Variants in CNNM2 observed in about 807,000 individuals in gnomAD.
CNNM2 encodes cyclin and CBS domain divalent metal cation transport mediator 2.
Under a neutral mutation model 66.9 loss-of-function variants are expected in CNNM2, and 12 were observed. That is an observed-to-expected ratio of 0.18 (90% confidence interval 0.11 to 0.29). CNNM2 has a LOEUF of 0.29. Ranked by LOEUF, CNNM2 falls within the 10% of genes least tolerant of loss-of-function variation. The pLI, the probability that CNNM2 is intolerant of heterozygous loss-of-function variation, is 1.00. For synonymous variants in CNNM2, 557 were observed against 501.8 expected (o/e 1.11, Z -1.47); for missense variants, 705 against 1,167.7 (o/e 0.60, Z 5.77).
At chr10:103,020,591 A>T (rs2134284913) in intron 1 of CNNM2, among the ~76,000 whole-genome samples, 1 of 152,302 alleles carries the variant, frequency 6.6e-6, no homozygotes, top group Admixed American at 6.5e-5. Flanking sequence ...CCCTAGTAGA[A>T]CTTTCTTTCT....
intron 5 of CNNM2, 86 bp from the exon 6 acceptor site, chr10:103,071,687 AC>A (rs1449396258): frequency 2.0e-6 from 2 of 1,016,398 alleles, no homozygotes; most frequent in Non-Finnish European, 3.2e-6. Flanking sequence ...TATTGATAGA[AC>A]AAGTATCCCC....
intron 1 of CNNM2, among the ~76,000 whole-genome samples, chr10:102,953,670 C>T (rs1846923954): frequency 6.6e-6 from 1 of 152,064 alleles, no homozygotes; most frequent in Non-Finnish European, 1.5e-5. Context: ...AGCGATCCTC[C>T]CACCTCAGCC....
chr10:103,073,428 G>A lies in CNNM2; in HGVS notation c.2233+1589G>A, dbSNP rs148105503. On this transcript the variant is annotated intron_variant, in intron 6 of 7. Transcript: ENST00000369878. ...TCTAGAAATGGTGATGAGATTGGTG[G>A]CCAAAGCGCAGGGATACAGTAAGAT... Among the ~76,000 whole-genome samples the A allele has an allele frequency of 7.6e-4, 116 of 152,332 alleles. 1 individual carries two copies. The highest frequency in any genetic ancestry group is 2.6e-3 in the African/African-American group (110 of 41,564).
chr10:103,070,141 C>T lies in CNNM2; in HGVS notation c.2167+1419C>T, dbSNP rs7910900. Among the ~76,000 whole-genome samples, 46,268 of 151,998 alleles carry T rather than the reference C, an allele frequency of 0.3. 7,181 individuals are homozygous for T. The highest frequency in any genetic ancestry group is 0.36 in the Middle Eastern group (105 of 292). ...CCCACTGTCAACTGCTGACCAACAC[C>T]CAACACCCACTGTGAACATGGGCCT... On this transcript the variant is annotated intron_variant, in intron 5 of 7. Transcript: ENST00000369878.
chr10:102,974,327 A>G (rs2134220488), intron 1 of CNNM2, among the ~76,000 whole-genome samples: 1 of 152,324 alleles, frequency 6.6e-6, no homozygotes, highest in African/African-American at 2.4e-5. Flanking sequence ...TCAAACTAAG[A>G]TGATGAACTA....
intron 6 of CNNM2, among the ~76,000 whole-genome samples, chr10:103,075,179 AC>A (rs2065668559): frequency 6.6e-6 from 1 of 152,242 alleles, no homozygotes; most frequent in Non-Finnish European, 1.5e-5. Flanking sequence ...TGTCAGGGAC[AC>A]ATTGCAAAGA....
rs927793415 is a variant in CNNM2 at position 103,085,422 on chromosome 10, A to G, written c.*8242A>G. ...GTTTGCTTGGCAAATCTTCTTTCCA[A>G]GTATCTCAAGAACTTGTGAGACGTG... On this transcript the variant is annotated 3_prime_UTR_variant, in exon 8 of 8. Coordinates refer to ENST00000369878, the MANE Select transcript of CNNM2 (RefSeq NM_017649.5). 6.6e-6 allele frequency: 1 copy of G among 152,200 alleles called. No individual in the cohort carries two copies. Among genetic ancestry groups the G allele is most frequent in the Non-Finnish European group, 1.5e-5 (1 of 68,030 alleles). 9.4% of individuals were successfully genotyped at this position (152,200 alleles called of 1,614,324 possible). A position where few individuals can be genotyped will look rare whatever the true frequency, so the allele number is the denominator to read the frequency against.
At chr10:102,966,994 T>C (rs1479252649) in intron 1 of CNNM2, among the ~76,000 whole-genome samples, 1 of 152,202 alleles carries the variant, frequency 6.6e-6, no homozygotes, top group African/African-American at 2.4e-5. Flanking sequence ...TCCATGGGGC[T>C]ACCTGGGGTC....
chr10:103,049,517 C>CT, intron 1 of CNNM2, among the ~76,000 whole-genome samples, 190 bp from the exon 2 acceptor site: 1 of 152,322 alleles, frequency 6.6e-6, no homozygotes, highest in Non-Finnish European at 1.5e-5. Context: ...TCTGGCGTAA[C>CT]TTTCTGCCTT....
At chr10:103,072,361 C>A (rs1052670326) in intron 6 of CNNM2, among the ~76,000 whole-genome samples, 2 of 152,256 alleles carry the variant, frequency 1.3e-5, no homozygotes, top group African/African-American at 4.8e-5. Flanking sequence ...GTTCTTCCCA[C>A]ATCCGTGTGA....
intron 1 of CNNM2, among the ~76,000 whole-genome samples, chr10:103,032,068 A>G (rs766893440): frequency 6.6e-6 from 1 of 152,176 alleles, no homozygotes; most frequent in African/African-American, 2.4e-5. Context: ...GGGGGTTGGA[A>G]GTGGCTTTTT....
chr10:103,001,116 T>G (rs1424616826), intron 1 of CNNM2, among the ~76,000 whole-genome samples: 2 of 152,228 alleles, frequency 1.3e-5, no homozygotes, highest in African/African-American at 4.8e-5. Flanking sequence ...TCTACTTATA[T>G]GAAGAACTTA....
chr10:103,076,225 C>A lies in CNNM2; in HGVS notation c.2373C>A (p.Ile791=). 6.3e-7 allele frequency: 1 copy of A among 1,579,274 alleles called. No individual in the cohort carries two copies. Among genetic ancestry groups the A allele is most frequent in the Non-Finnish European group, 8.6e-7 (1 of 1,162,218 alleles). ...ATTCTTCGCTCCTCCAAGTCTACAT[C>A]CCCGATTACTCGGTGCGAGCCCTTT... The part of the protein sequence containing the change: ...QLNSSLLQVY[I]PDYSVRALSD... The change falls in exon 7 of 8, where the codon ATC becomes ATA. Residue 791 remains isoleucine (I), a synonymous_variant. Coordinates refer to ENST00000369878, the MANE Select transcript of CNNM2 (RefSeq NM_017649.5).
rs550301984 is a variant in CNNM2, at chr10:103,017,344, C to T, written c.1622-32363C>T. On this transcript the variant is annotated intron_variant, in intron 1 of 7. Coordinates refer to ENST00000369878, the MANE Select transcript of CNNM2 (RefSeq NM_017649.5). ...GACAGCGTTCTAGGCATGGAGGAGA[C>T]AGCAGTGAATCAGGTCATGTCCCTG... 1.4e-4 allele frequency among the ~76,000 whole-genome samples: 22 copies of T among 152,220 alleles called. No individual in the cohort carries two copies. In the South Asian group the frequency reaches 3.9e-3, roughly 27 times the overall value.
chr10:102,965,484 C>T (rs2063448537), intron 1 of CNNM2, among the ~76,000 whole-genome samples: 2 of 152,224 alleles, frequency 1.3e-5, no homozygotes, highest in African/African-American at 4.8e-5. Context: ...TCAGCTCAGA[C>T]TATCTCAATA....
intron 1 of CNNM2, among the ~76,000 whole-genome samples, chr10:103,004,096 G>A (rs376745992): frequency 9.5e-4 from 18 of 18,974 alleles, no homozygotes; most frequent in African/African-American, 2.5e-3. Flanking sequence ...CCCCCGCCCC[G>A]GGTTCAAGCG....
At chr10:103,069,813 A>C (rs1283822659) in intron 5 of CNNM2, among the ~76,000 whole-genome samples, 1 of 152,224 alleles carries the variant, frequency 6.6e-6, no homozygotes, top group Non-Finnish European at 1.5e-5. Context: ...TGTGGCAAAA[A>C]CACCAAATGA....
At chr10:103,015,583 G>A in intron 1 of CNNM2, among the ~76,000 whole-genome samples, 1 of 152,098 alleles carries the variant, frequency 6.6e-6, no homozygotes, top group East Asian at 1.9e-4. Context: ...GCCGGCTGCA[G>A]TGGCTCACGC....
rs114924394 is a variant in CNNM2, at chr10:102,985,705, G to T, written c.1622-64002G>T. Among the ~76,000 whole-genome samples, 672 of 152,246 alleles carry T rather than the reference G, an allele frequency of 4.4e-3. 9 individuals carry two copies. Among genetic ancestry groups the T allele is most frequent in the African/African-American group, 0.015 (638 of 41,550 alleles). On this transcript the variant is annotated intron_variant, in intron 1 of 7. Coordinates refer to ENST00000369878, the MANE Select transcript of CNNM2 (RefSeq NM_017649.5). ...TGCCTTATTCTACAGCAGAATATTT[G>T]TTTTGTTTACATGACCAGCTCAGAT...
Sources: gnomAD v4.1 joint callset for allele counts (sites outside exome capture counted in the v4.1 genomes callset) on GRCh38, gnomAD v4.1.1 for gene constraint, MANE v1.5 for transcripts, NCBI Gene and HGNC (gene_info 2026-07-23, HGNC 2026-07-21) for gene names.